Variants in ULK4 observed in about 807,000 individuals in gnomAD.
ULK4 encodes inactive serine/threonine-protein kinase ULK4.
A neutral mutation model predicts 160.6 loss-of-function variants in ULK4; 133 were observed. That is an observed-to-expected ratio of 0.83 (90% confidence interval 0.72 to 0.96). The LOEUF is 0.96. Ranked by LOEUF, ULK4 falls within the 40% of genes least tolerant of loss-of-function variation. The pLI is 0.00. For synonymous variants in ULK4, 534 were observed against 539.8 expected, an observed-to-expected ratio of 0.99 and a Z score of 0.15; for missense variants, 1,580 against 1,499.5, an observed-to-expected ratio of 1.05 and a Z score of -0.89.
chr3:41,571,342 T>C (rs1248001892), intron 31 of ULK4, among the ~76,000 whole-genome samples: 1 of 152,184 alleles, frequency 6.6e-6, no homozygotes, highest in Admixed American at 6.5e-5. Context: ...GAATGCTAAA[T>C]CCATGCAAAG....
At chr3:41,757,627 C>A in intron 21 of ULK4, among the ~76,000 whole-genome samples, 1 of 108,928 alleles carries the variant, frequency 9.2e-6, no homozygotes, top group Non-Finnish European at 1.7e-5. Context: ...GCGAGACTCT[C>A]TCAAAAAAAA....
chr3:41,735,842 TC>T (rs2038019774), intron 22 of ULK4, among the ~76,000 whole-genome samples: 1 of 53,742 alleles, frequency 1.9e-5, no homozygotes, highest in African/African-American at 7.6e-5. Flanking sequence ...CCCTCCCCCC[TC>T]CCCCCACCCC....
intron 17 of ULK4, among the ~76,000 whole-genome samples, chr3:41,848,759 C>G (rs2042130971): frequency 1.3e-5 from 2 of 152,212 alleles, no homozygotes; most frequent in African/African-American, 4.8e-5. Flanking sequence ...CCAGGAATAG[C>G]AGACTATTCC....
intron 16 of ULK4, among the ~76,000 whole-genome samples, chr3:41,894,061 G>A (rs1363750104): frequency 4.6e-5 from 7 of 151,980 alleles, no homozygotes. Flanking sequence ...TTAAAAGTGG[G>A]GGAAAAAAAC....
chr3:41,931,328 T>TC (rs1484530622), intron 5 of ULK4, among the ~76,000 whole-genome samples: 1 of 151,856 alleles, frequency 6.6e-6, no homozygotes, highest in African/African-American at 2.4e-5. Context: ...CCGGGGCCTG[T>TC]CAGGGGGTAG....
chr3:41,288,168 CA>C (rs1258091271), intron 35 of ULK4, among the ~76,000 whole-genome samples: 1 of 151,938 alleles, frequency 6.6e-6, no homozygotes, highest in East Asian at 1.9e-4. Flanking sequence ...AATTCACAAA[CA>C]AAAAAATTTG....
At chr3:41,821,675 T>C (rs2041150980) in intron 18 of ULK4, among the ~76,000 whole-genome samples, 1 of 152,112 alleles carries the variant, frequency 6.6e-6, no homozygotes, top group Admixed American at 6.5e-5. Flanking sequence ...TCCACCTGAA[T>C]AGGGTCACGG....
chr3:41,933,247 T>C lies in ULK4; in HGVS notation c.379-1241A>G, dbSNP rs114868426. Among the ~76,000 whole-genome samples the C allele has an allele frequency of 4.2e-3, 637 of 152,294 alleles. 4 individuals are homozygous for C. Among genetic ancestry groups the C allele is most frequent in the African/African-American group, 0.014 (568 of 41,582 alleles). On this transcript the variant is annotated intron_variant, in intron 4 of 36. Coordinates refer to ENST00000301831, the MANE Select transcript of ULK4 (RefSeq NM_017886.4). The stretch of plus-strand genomic sequence containing the variant: ...AACAGGTCTGGATGGGGCCCATTTC[T>C]ACCAAGTGCCAGGTCAACCTAATGC...
intron 31 of ULK4, among the ~76,000 whole-genome samples, chr3:41,590,056 A>G (rs952645826): frequency 3.3e-5 from 5 of 151,734 alleles, no homozygotes; most frequent in Admixed American, 6.6e-5. Context: ...AGGCTGGAGT[A>G]CAGTGGCGCG....
intron 32 of ULK4, among the ~76,000 whole-genome samples, chr3:41,564,434 T>TTTC (rs1231167995): frequency 5.6e-4 from 81 of 144,452 alleles, no homozygotes; most frequent in African/African-American, 1.8e-3. Flanking sequence ...GACAGGGACG[T>TTTC]TTCTTCTTCT....
intron 32 of ULK4, among the ~76,000 whole-genome samples, chr3:41,534,577 C>G (rs1364370851): frequency 6.7e-6 from 1 of 150,056 alleles, no homozygotes; most frequent in African/African-American, 2.5e-5. Context: ...AGTAACTACA[C>G]TTAACAGTAT....
chr3:41,425,203 T>G (rs1201728251), intron 34 of ULK4, among the ~76,000 whole-genome samples: 1 of 151,998 alleles, frequency 6.6e-6, no homozygotes, highest in Non-Finnish European at 1.5e-5. Context: ...TTTCAGAGCT[T>G]GAAGACTATA....
intron 35 of ULK4, among the ~76,000 whole-genome samples, chr3:41,342,748 G>A (rs977517402): frequency 2.6e-4 from 40 of 152,092 alleles, no homozygotes; most frequent in Admixed American, 2.5e-3. Flanking sequence ...CAATATCCCC[G>A]ATGAACACCG....
intron 34 of ULK4, among the ~76,000 whole-genome samples, chr3:41,442,756 G>A (rs2083203851): frequency 1.3e-5 from 2 of 151,996 alleles, no homozygotes; most frequent in Admixed American, 6.5e-5. Flanking sequence ...ACTGCACCTG[G>A]TCCTTATTGT....
chr3:41,397,984 T>C, intron 35 of ULK4, 95 bp downstream of exon 35: 6 of 1,410,182 alleles, frequency 4.3e-6, no homozygotes, highest in Non-Finnish European at 4.8e-6. Flanking sequence ...AAATTCTCTG[T>C]AAATTTGAAA....
intron 16 of ULK4, among the ~76,000 whole-genome samples, chr3:41,887,840 T>G (rs1242415788): frequency 6.6e-6 from 1 of 151,488 alleles, no homozygotes; most frequent in Admixed American, 6.6e-5. Flanking sequence ...AAAAAAGCAC[T>G]TCTATATACC....
intron 33 of ULK4, 116 bp downstream of exon 33, chr3:41,462,971 T>C: frequency 8.0e-7 from 1 of 1,257,774 alleles, no homozygotes; most frequent in Non-Finnish European, 1.1e-6. Flanking sequence ...TCTATAGAAT[T>C]ATACATTCTT....
chr3:41,502,569 T>C (rs2085248144), intron 32 of ULK4, among the ~76,000 whole-genome samples: 1 of 152,144 alleles, frequency 6.6e-6, no homozygotes, highest in Admixed American at 6.5e-5. Context: ...AGCTGGGAAA[T>C]TAATAAACAA....
At chr3:41,903,028 C>G (rs1698429582) in intron 12 of ULK4, among the ~76,000 whole-genome samples, 1 of 151,990 alleles carries the variant, frequency 6.6e-6, no homozygotes, top group Non-Finnish European at 1.5e-5. Context: ...GACCAGTTAG[C>G]AGGTTACTGC....
Sources: allele counts gnomAD v4.1 joint callset (sites outside exome capture counted in the v4.1 genomes callset), GRCh38; gene constraint gnomAD v4.1.1; transcripts MANE v1.5; gene names NCBI Gene and HGNC (gene_info 2026-07-23, HGNC 2026-07-21).